PARD3B: variants seen among roughly 807,000 people sequenced by gnomAD.
PARD3B encodes par-3 family cell polarity regulator beta.
A neutral mutation model predicts 130.2 loss-of-function variants in PARD3B; 103 were observed. That is an observed-to-expected ratio of 0.79 (90% CI 0.67 to 0.93). PARD3B has a LOEUF of 0.93. Among genes scored for constraint, PARD3B ranks in the 40% least tolerant of loss-of-function variants. The pLI, the probability that PARD3B is intolerant of heterozygous loss-of-function variation, is 0.00. For missense variants in PARD3B, 1,609 were observed against 1,499.2 expected (o/e 1.07, Z -1.21); for synonymous variants, 583 against 553.2 (o/e 1.05, Z -0.76).
At chr2:205,412,783 T>A (rs1288263833) in intron 19 of PARD3B, among the ~76,000 whole-genome samples, 1 of 152,224 alleles carries the variant, frequency 6.6e-6, no homozygotes. Flanking sequence ...TTGGTCCGAA[T>A]GAATGGAAAT....
At chr2:204,893,077 G>A (rs1291790721) in intron 2 of PARD3B, among the ~76,000 whole-genome samples, 1 of 152,152 alleles carries the variant, frequency 6.6e-6, no homozygotes, top group Non-Finnish European at 1.5e-5. Flanking sequence ...GGACATTCCA[G>A]TATCTATGTG....
intron 15 of PARD3B, among the ~76,000 whole-genome samples, chr2:205,194,553 C>T (rs1261095188): frequency 6.6e-6 from 1 of 152,160 alleles, no homozygotes; most frequent in East Asian, 1.9e-4. Flanking sequence ...CCTGTTCTGT[C>T]TTCCCAATTT....
chr2:204,787,040 C>T (rs970177825), intron 2 of PARD3B, among the ~76,000 whole-genome samples: 46 of 151,922 alleles, frequency 3.0e-4, no homozygotes, highest in African/African-American at 1.1e-3. Context: ...GTTAACATAG[C>T]TTTTTATATG....
intron 2 of PARD3B, among the ~76,000 whole-genome samples, chr2:204,736,414 G>A (rs532371383): frequency 5.3e-5 from 8 of 151,734 alleles, no homozygotes; most frequent in East Asian, 1.9e-4. Context: ...AGTTTTTATC[G>A]CTAGCCCCCC....
intron 1 of PARD3B, among the ~76,000 whole-genome samples, chr2:204,682,062 C>G (rs865830501): frequency 5.9e-5 from 9 of 152,200 alleles, no homozygotes; most frequent in Middle Eastern, 6.8e-3. Context: ...ATTGTCACCC[C>G]CCATGTCTCT....
intron 1 of PARD3B, among the ~76,000 whole-genome samples, chr2:204,671,262 C>A (rs891628783): frequency 2.0e-5 from 3 of 152,068 alleles, no homozygotes; most frequent in African/African-American, 7.2e-5. Context: ...TACATTCAGC[C>A]CTTCTCTGTG....
At chr2:204,847,681 C>T (rs1156948670) in intron 2 of PARD3B, among the ~76,000 whole-genome samples, 1 of 152,128 alleles carries the variant, frequency 6.6e-6, no homozygotes, top group East Asian at 1.9e-4. Flanking sequence ...ATCAGTTCAG[C>T]TGTGGTAGTA....
At chr2:204,712,206 T>G (rs536378815) in intron 2 of PARD3B, among the ~76,000 whole-genome samples, 5 of 152,366 alleles carry the variant, frequency 3.3e-5, no homozygotes, top group African/African-American at 7.2e-5. Flanking sequence ...CTTTAATGGT[T>G]TGTGTACTCT....
At chr2:205,164,037 A>G (rs2125725512) in intron 11 of PARD3B, among the ~76,000 whole-genome samples, 1 of 152,316 alleles carries the variant, frequency 6.6e-6, no homozygotes, top group South Asian at 2.1e-4. Flanking sequence ...CTAACATTTT[A>G]TTTCTAACCA....
At chr2:205,185,901 A>G (rs751585279) in intron 14 of PARD3B, 38 bp downstream of exon 14, 3 of 1,538,480 alleles carry the variant, frequency 1.9e-6, no homozygotes, top group Non-Finnish European at 1.8e-6. Flanking sequence ...GCTCCTTGTT[A>G]TTGTTTTTCT....
chr2:204,625,794 C>T (rs1288551925), intron 1 of PARD3B, among the ~76,000 whole-genome samples: 1 of 152,104 alleles, frequency 6.6e-6, no homozygotes, highest in African/African-American at 2.4e-5. Flanking sequence ...TAATATTCCA[C>T]ATATAATGAA....
intron 22 of PARD3B, among the ~76,000 whole-genome samples, chr2:205,604,260 G>T (rs2054900397): frequency 6.6e-6 from 1 of 152,164 alleles, no homozygotes; most frequent in Non-Finnish European, 1.5e-5. Context: ...ATTTACAAAA[G>T]AAAGAAGTTT....
intron 22 of PARD3B, among the ~76,000 whole-genome samples, chr2:205,608,089 C>T (rs946084180): frequency 6.6e-6 from 1 of 152,156 alleles, no homozygotes; most frequent in African/African-American, 2.4e-5. Flanking sequence ...ATGTGCTACT[C>T]TAACATATAT....
intron 18 of PARD3B, among the ~76,000 whole-genome samples, chr2:205,354,459 T>TA (rs999510011): frequency 1.0e-4 from 9 of 89,918 alleles, no homozygotes; most frequent in Admixed American, 3.2e-4. Flanking sequence ...TAAAGTATAA[T>TA]AAAAAAAATG....
chr2:204,828,952 G>A (rs137977085), intron 2 of PARD3B, among the ~76,000 whole-genome samples: 1 of 152,294 alleles, frequency 6.6e-6, no homozygotes, highest in Non-Finnish European at 1.5e-5. Context: ...AAGGGCCTGT[G>A]CATTCCAGCC....
chr2:204,987,860 G>C (rs544226717), intron 3 of PARD3B, among the ~76,000 whole-genome samples: 91 of 152,096 alleles, frequency 6.0e-4, no homozygotes, highest in African/African-American at 2.0e-3. Flanking sequence ...TAGCTTTTTG[G>C]GGGGAATTCA....
At chr2:204,685,470 A>C (rs901783788) in intron 1 of PARD3B, among the ~76,000 whole-genome samples, 1 of 152,216 alleles carries the variant, frequency 6.6e-6, no homozygotes, top group African/African-American at 2.4e-5. Flanking sequence ...TTAATTCTAA[A>C]TTCTAGAATC....
At chr2:205,499,287 G>A (rs1232997919) in intron 20 of PARD3B, among the ~76,000 whole-genome samples, 3 of 148,922 alleles carry the variant, frequency 2.0e-5, no homozygotes, top group East Asian at 2.0e-4. Context: ...GGATTAGCAC[G>A]TTCTACTCTA....
intron 2 of PARD3B, among the ~76,000 whole-genome samples, chr2:204,834,080 AT>A (rs375375135): frequency 0.012 from 1,738 of 150,078 alleles, 24 homozygotes; most frequent in African/African-American, 0.04. Flanking sequence ...CATATGCAAT[AT>A]TTTTTTTTTA....
Sources: gnomAD v4.1 joint callset for allele counts (sites outside exome capture counted in the v4.1 genomes callset) on GRCh38, gnomAD v4.1.1 for gene constraint, MANE v1.5 for transcripts, NCBI Gene and HGNC (gene_info 2026-07-23, HGNC 2026-07-21) for gene names.